The following AUTS2 variants were observed in gnomAD, a reference collection of about 807,000 sequenced individuals.
The protein encoded by AUTS2 is activator of transcription and developmental regulator AUTS2.
AUTS2 carries 17 observed loss-of-function variants against 112.4 expected under a neutral mutation model. That is an observed-to-expected ratio of 0.15 (90% CI 0.10 to 0.23). The LOEUF is 0.23. AUTS2 is among the 10% of genes least tolerant of loss of function. The probability of loss-of-function intolerance (pLI) is 1.00; values close to 1 mark genes in which losing one functional copy is unlikely to be tolerated. For missense variants in AUTS2, 1,510 were observed against 1,701.6 expected, an observed-to-expected ratio of 0.89 and a Z score of 1.98; for synonymous variants, 751 against 702.7, an observed-to-expected ratio of 1.07 and a Z score of -1.09.
intron 4 of AUTS2, among the ~76,000 whole-genome samples, chr7:70,347,840 C>T (rs564335151): frequency 2.0e-5 from 3 of 152,306 alleles, no homozygotes; most frequent in South Asian, 4.1e-4. Context: ...TTGTAGTCTA[C>T]GGCTCCAGGA....
intron 1 of AUTS2, among the ~76,000 whole-genome samples, chr7:69,729,090 C>T (rs1786658793): frequency 1.3e-5 from 2 of 151,936 alleles, no homozygotes; most frequent in South Asian, 4.2e-4. Flanking sequence ...ATACCATGTC[C>T]AATTCCAAAC....
At chr7:69,698,023 T>C (rs1797629626) in intron 1 of AUTS2, among the ~76,000 whole-genome samples, 1 of 152,158 alleles carries the variant, frequency 6.6e-6, no homozygotes, top group South Asian at 2.1e-4. Flanking sequence ...GAACAGGATG[T>C]TACTTTTAGA....
At chr7:70,153,377 T>A (rs1194609126) in intron 4 of AUTS2, among the ~76,000 whole-genome samples, 1 of 152,138 alleles carries the variant, frequency 6.6e-6, no homozygotes, top group Non-Finnish European at 1.5e-5. Context: ...AGCTGTTTAA[T>A]CTACAGTGAC....
At position 70,441,850 on chromosome 7, in the gene AUTS2, C is replaced by T. The variant is rs186365102; in HGVS notation, c.690+6069C>T. Among the ~76,000 whole-genome samples the T allele has an allele frequency of 3.9e-5, 6 of 152,282 alleles. No individual in the cohort carries two copies. In the East Asian group the frequency reaches 9.6e-4, roughly 24 times the overall value. On this transcript the variant is annotated intron_variant, in intron 5 of 18. Transcript: ENST00000342771. ...ACTTGGCTCGTGCAGGAGTCAGAAA[C>T]TGCTGAGATGTCAAACTGAAGACTG...
intron 6 of AUTS2, among the ~76,000 whole-genome samples, chr7:70,708,796 G>T (rs539799139): frequency 1.3e-5 from 2 of 151,876 alleles, no homozygotes; most frequent in African/African-American, 4.8e-5. Flanking sequence ...TGATGCTATT[G>T]TTATATGAGT....
chr7:69,685,104 G>T (rs535349400), intron 1 of AUTS2, among the ~76,000 whole-genome samples: 4 of 152,162 alleles, frequency 2.6e-5, no homozygotes, highest in Non-Finnish European at 5.9e-5. Flanking sequence ...TTAAGGGAGG[G>T]CCTCTGTGCT....
Position 69,758,512 on chromosome 7 carries a change from C to T in AUTS2, c.310-140774C>T, listed in dbSNP as rs544753935. ...CTACATCTCTTTCGTCACTGTGTTT[C>T]GTTCCCATCTCAGAACGGGTAAAAT... On this transcript the variant is annotated intron_variant, in intron 1 of 18. Transcript: ENST00000342771. Among the ~76,000 whole-genome samples, 26 of 152,272 alleles carry T rather than the reference C, an allele frequency of 1.7e-4. 3 individuals are homozygous for T. Among genetic ancestry groups the T allele is most frequent in the South Asian group, 8.3e-4 (4 of 4,820 alleles).
At chr7:69,754,761 A>G (rs1787880929) in intron 1 of AUTS2, among the ~76,000 whole-genome samples, 1 of 152,164 alleles carries the variant, frequency 6.6e-6, no homozygotes. Flanking sequence ...CATTCTCAAA[A>G]CAGCAACAAG....
chr7:70,465,622 C>T (rs966752111), intron 5 of AUTS2, among the ~76,000 whole-genome samples: 3 of 152,110 alleles, frequency 2.0e-5, no homozygotes, highest in Non-Finnish European at 2.9e-5. Flanking sequence ...TCCTCTGCCT[C>T]GTATTCCATG....
At chr7:70,284,185 A>G (rs1323883555) in intron 4 of AUTS2, among the ~76,000 whole-genome samples, 1 of 152,240 alleles carries the variant, frequency 6.6e-6, no homozygotes. Flanking sequence ...TCAATACCTT[A>G]TCTTCATGTT....
chr7:70,103,233 T>C (rs1804593329), intron 2 of AUTS2, among the ~76,000 whole-genome samples: 1 of 152,130 alleles, frequency 6.6e-6, no homozygotes, highest in Non-Finnish European at 1.5e-5. Context: ...GTTTTGGAAA[T>C]AATGCACACT....
chr7:69,648,829 T>C (rs908342687), intron 1 of AUTS2, among the ~76,000 whole-genome samples: 14 of 152,176 alleles, frequency 9.2e-5, no homozygotes, highest in African/African-American at 3.1e-4. Flanking sequence ...GGTTTAAGTT[T>C]GCAAAATGCC....
At chr7:70,407,949 G>T (rs778251584) in intron 4 of AUTS2, among the ~76,000 whole-genome samples, 44 of 152,042 alleles carry the variant, frequency 2.9e-4, no homozygotes, top group Non-Finnish European at 5.0e-4. Context: ...AGCTACTCGG[G>T]AGGCTGAGAT....
chr7:70,325,143 C>T (rs902736612), intron 4 of AUTS2, among the ~76,000 whole-genome samples: 6 of 152,048 alleles, frequency 3.9e-5, no homozygotes, highest in Non-Finnish European at 8.8e-5. Context: ...TTCTTGTCCT[C>T]ACAGCTAGTC....
chr7:70,077,847 G>A (rs531910780), intron 2 of AUTS2, among the ~76,000 whole-genome samples: 12 of 152,132 alleles, frequency 7.9e-5, no homozygotes, highest in East Asian at 1.9e-4. Flanking sequence ...GCATACCTCC[G>A]TGCTAAATTA....
intron 1 of AUTS2, among the ~76,000 whole-genome samples, chr7:69,814,254 G>A (rs996949510): frequency 2.0e-5 from 3 of 152,308 alleles, no homozygotes; most frequent in South Asian, 4.1e-4. Context: ...GCTGAACCAC[G>A]TCATTTGTTT....
intron 5 of AUTS2, among the ~76,000 whole-genome samples, chr7:70,654,159 C>T (rs532615400): frequency 1.4e-3 from 216 of 152,296 alleles, no homozygotes; most frequent in African/African-American, 4.8e-3. Flanking sequence ...TGATAGTCCT[C>T]TACTACTGTA....
rs1404355377 is a variant in AUTS2 at position 70,068,468 on chromosome 7, G to A, written c.523-49664G>A. On this transcript the variant is annotated intron_variant, in intron 2 of 18. Transcript: ENST00000342771. ...CAAAGTGCTGAGATTACAGGCGTGA[G>A]CCACTGTGCCCGGCCATAAGTAGAT... 2.0e-5 allele frequency among the ~76,000 whole-genome samples: 3 copies of A among 152,042 alleles called. No homozygotes were observed. In the South Asian group the frequency reaches 6.2e-4, roughly 32 times the overall value.
intron 5 of AUTS2, among the ~76,000 whole-genome samples, chr7:70,628,228 T>G (rs1230685144): frequency 6.6e-6 from 1 of 151,922 alleles, no homozygotes; most frequent in Non-Finnish European, 1.5e-5. Context: ...TGGGACAGAT[T>G]TACCATGAAG....
Sources: allele counts gnomAD v4.1 joint callset (sites outside exome capture counted in the v4.1 genomes callset), GRCh38; gene constraint gnomAD v4.1.1; transcripts MANE v1.5; gene names NCBI Gene and HGNC (gene_info 2026-07-23, HGNC 2026-07-21).